TEP1: variants seen among roughly 807,000 people sequenced by gnomAD.
TEP1 encodes the protein telomerase associated protein 1.
TEP1 carries 241 observed loss-of-function variants against 306.3 expected under a neutral mutation model. The ratio of observed to expected loss-of-function variants is 0.79; its 90% CI spans 0.71 to 0.88. The LOEUF (loss-of-function observed/expected upper bound fraction) is 0.88. Ranked by LOEUF, TEP1 falls within the 40% of genes least tolerant of loss-of-function variation. The pLI is 0.00. For synonymous variants in TEP1, 1,289 were observed against 1,305.5 expected (o/e 0.99, Z 0.27); for missense variants, 3,051 against 3,276.1 (o/e 0.93, Z 1.68).
chr14:20,410,020 C>CAAAAAAAAAAAAAAAAAAAAAAAAAAAAA (rs570672845), intron 1 of TEP1, among the ~76,000 whole-genome samples: 1 of 58,922 alleles, frequency 1.7e-5, no homozygotes, highest in African/African-American at 6.7e-5. Context: ...GACTCTGTCT[C>CAAAAAAAAAAAAAAAAAAAAAAAAAAAAA]AAAAAAAAAA....
chr14:20,388,033 A>G lies in TEP1; in HGVS notation c.2556T>C (p.Leu852=), dbSNP rs1877356482. The stretch of plus-strand genomic sequence containing the variant: ...TGTCCATTTGGCCCACATGTTCCAG[A>G]AGATGGGAGGCCCCATGCTCTGCAA... The part of the protein sequence containing the change: ...KFIAEHGASH[L]LEHVGQMDKI... Residue 852 remains leucine (L), a synonymous_variant, in exon 18 of 55, where the codon CTT becomes CTC. Transcript: ENST00000262715. 1 of 1,614,174 alleles carries G rather than the reference A, an allele frequency of 6.2e-7. No homozygotes were observed. The highest frequency in any genetic ancestry group is 8.5e-7 in the Non-Finnish European group (1 of 1,180,018).
At position 20,383,355 on chromosome 14, in the gene TEP1, T is replaced by G; in HGVS notation, c.3868-2A>C. ...CACACTCAGCACCAGGTGTACACACTGTGATATTTGGGCAAAGGGGCAGGA... is the reference window on the plus strand; with the variant it reads ...CACACTCAGCACCAGGTGTACACACGGTGATATTTGGGCAAAGGGGCAGGA... On this transcript the variant is annotated splice_acceptor_variant, in intron 26 of 54. Coordinates refer to ENST00000262715, the MANE Select transcript of TEP1 (RefSeq NM_007110.5). LOFTEE classifies it high-confidence loss of function. 6.2e-7 allele frequency: 1 copy of G among 1,603,210 alleles called. No homozygotes were observed. Among genetic ancestry groups the G allele is most frequent in the Non-Finnish European group, 8.5e-7 (1 of 1,173,858 alleles).
At chr14:20,395,715 T>G in intron 11 of TEP1, 88 bp from the exon 12 acceptor site, 1 of 1,534,794 alleles carries the variant, frequency 6.5e-7, no homozygotes, top group Non-Finnish European at 8.9e-7. Context: ...CCCCAACCCT[T>G]GGGGCTGGCA....
At chr14:20,377,947 A>C in intron 39 of TEP1, 77 bp downstream of exon 39, 1 of 1,549,194 alleles carries the variant, frequency 6.5e-7, no homozygotes, top group South Asian at 1.1e-5. Context: ...TCGACAAAGG[A>C]CCCCCACCCC....
At chr14:20,391,549 C>G (rs764974451) in intron 13 of TEP1, 50 bp downstream of exon 13, 1 of 1,571,784 alleles carries the variant, frequency 6.4e-7, no homozygotes, top group African/African-American at 1.3e-5. Context: ...CTCAGGATCC[C>G]CAGCATTCTA....
chr14:20,395,989 C>T (rs561351351), intron 10 of TEP1, 40 bp from the exon 11 acceptor site: 147 of 1,556,792 alleles, frequency 9.4e-5, no homozygotes, highest in Non-Finnish European at 1.2e-4. Flanking sequence ...GCACAGGAGC[C>T]GGGAGTATGG....
In TEP1 at chr14:20,384,716, G is replaced by T; in HGVS notation, c.3108-3C>A. ...ATTTCCAGGCATCTGGCACAGAGCT[G>T]ACCACCAAAGACCCCAAAAGTTGGA... On this transcript the variant is annotated splice_polypyrimidine_tract_variant and splice_region_variant and intron_variant, in intron 21 of 54. Transcript: ENST00000262715. The T allele has an allele frequency of 1.2e-6, 2 of 1,608,080 alleles. No homozygotes were observed. Among genetic ancestry groups the T allele is most frequent in the South Asian group, 2.2e-5 (2 of 91,010 alleles).
intron 33 of TEP1, among the ~76,000 whole-genome samples, 190 bp from the exon 34 acceptor site, chr14:20,380,665 G>A (rs1258497552): frequency 6.6e-6 from 1 of 152,212 alleles, no homozygotes; most frequent in African/African-American, 2.4e-5. Flanking sequence ...AGAATATGGA[G>A]ACCCAAGGAT....
At position 20,380,048 on chromosome 14, in the gene TEP1, C is replaced by A; in HGVS notation, c.5009G>T (p.Ser1670Ile). Residue 1670 changes from serine (S) to isoleucine (I), a missense_variant, in exon 35 of 55, where the codon AGC becomes ATC. This residue lies in a region of TEP1 where 1,540 missense variants were observed against 1,705.9 expected (regional missense o/e 0.90). Transcript: ENST00000262715. ...PRTMKNQQSS[S>I]LSLAVSSSPT... ...GGATGAGGAAACTGCCAGAGACAGG[C>A]TGGAGCTAGAGAAAGAGTAGGAAGA... The A allele has an allele frequency of 6.2e-7, 1 of 1,610,540 alleles. No homozygotes were observed. The highest frequency in any genetic ancestry group is 8.5e-7 in the Non-Finnish European group (1 of 1,179,106).
intron 15 of TEP1, 36 bp downstream of exon 15, chr14:20,390,645 G>C (rs770570913): frequency 6.3e-7 from 1 of 1,593,384 alleles, no homozygotes; most frequent in East Asian, 2.2e-5. Flanking sequence ...GGAAAATGTG[G>C]GGGAGGGAGA....
chr14:20,368,457 A>T lies in TEP1; in HGVS notation c.7864T>A (p.Tyr2622Asn). Reference sequence around the variant, plus strand: ...CATCTTCATTCCCAATTCAGAAAGTACACATTGCCCTGCACGTCTCCCACG... The same window carrying T: ...CATCTTCATTCCCAATTCAGAAAGTTCACATTGCCCTGCACGTCTCCCACG... ...LAVGDVQGNV[Y>N]FLNWE The change falls in exon 55 of 55, where the codon TAC (tyrosine) becomes AAC (asparagine). Residue 2622 changes from tyrosine (Y) to asparagine (N), a missense_variant. By Grantham distance (143) the Tyr-to-Asn change is moderately radical. Coordinates refer to ENST00000262715, the MANE Select transcript of TEP1 (RefSeq NM_007110.5). 1 of 1,614,168 alleles carries T rather than the reference A, an allele frequency of 6.2e-7. No individual in the cohort carries two copies. The highest frequency in any genetic ancestry group is 8.5e-7 in the Non-Finnish European group (1 of 1,180,020).
chr14:20,376,080 G>A (rs77475121), intron 42 of TEP1, 24 bp downstream of exon 42: 2 of 1,610,918 alleles, frequency 1.2e-6, no homozygotes, highest in South Asian at 2.2e-5. Flanking sequence ...TGGGACCCCA[G>A]GGTTGCATCC....
At chr14:20,373,628 G>A (rs774117599) in intron 45 of TEP1, 45 bp from the exon 46 acceptor site, 6 of 1,614,084 alleles carry the variant, frequency 3.7e-6, no homozygotes, top group Non-Finnish European at 5.1e-6. Context: ...ACGGAGCAGG[G>A]GAGAAAAGAA....
chr14:20,369,917 A>AGTTTTT (rs59667471), intron 51 of TEP1, 138 bp from the exon 52 acceptor site: 2 of 590,950 alleles, frequency 3.4e-6, no homozygotes, highest in African/African-American at 2.2e-5. Context: ...CAAGTGCGCA[A>AGTTTTT]ATTTTTTTTT....
chr14:20,371,275 G>A lies in TEP1; in HGVS notation c.7260C>T (p.His2420=). 1 of 1,614,202 alleles carries A rather than the reference G, an allele frequency of 6.2e-7. No homozygotes were observed. Residue 2420 remains histidine, a synonymous_variant, in exon 51 of 55, where the codon CAC becomes CAT. Transcript: ENST00000262715. ...GCAGGACAAATATGCCATACTCCTT[G>A]TGGGTGGACAATATCATAGGATTTT... ...YTENPMILST[H]KEYGIFVLQP...
intron 10 of TEP1, among the ~76,000 whole-genome samples, chr14:20,396,333 A>G (rs1416692383): frequency 2.6e-5 from 4 of 152,232 alleles, no homozygotes; most frequent in Non-Finnish European, 4.4e-5. Context: ...TCCTTCTGAA[A>G]TCAGTTACAT....
chr14:20,384,458 C>A lies in TEP1; in HGVS notation c.3272G>T (p.Gly1091Val), dbSNP rs756973073. 1.2e-5 allele frequency: 19 copies of A among 1,614,032 alleles called. No individual in the cohort carries two copies. The highest frequency in any genetic ancestry group is 1.6e-5 in the Non-Finnish European group (19 of 1,180,050). ...AACCAACTGCCCAAACTCCTCCAGC[C>A]CGCCAACATAGGGCCGGCCAGCTGC... ...GVAAGRPYVG[G>V]LEEFGQLVLQ... is the part of the protein sequence containing the mutation. Residue 1091 changes from glycine (G) to valine (V), a missense_variant, in exon 23 of 55, where the codon GGG (glycine) becomes GTG (valine). This residue lies in a region of TEP1 where 1,507 missense variants were observed against 1,550.5 expected (regional missense o/e 0.97). Transcript: ENST00000262715.
At chr14:20,406,192 C>A in intron 3 of TEP1, 41 bp downstream of exon 3, 1 of 1,608,310 alleles carries the variant, frequency 6.2e-7, no homozygotes, top group East Asian at 2.2e-5. Context: ...AACCTCCCCT[C>A]CACACCATTA....
rs1181920283 is a variant in TEP1 at position 20,376,284 on chromosome 14, A to C, written c.6089-20T>G. ...AATCCTCTGCATTGGAAAAAGAGAGAGGGAACAGCTTCCTGAAAGAGGAAG... is the reference window on the plus strand; with the variant it reads ...AATCCTCTGCATTGGAAAAAGAGAGCGGGAACAGCTTCCTGAAAGAGGAAG... On this transcript the variant is annotated intron_variant, in intron 41 of 54. Coordinates refer to ENST00000262715, the MANE Select transcript of TEP1 (RefSeq NM_007110.5). The C allele has an allele frequency of 6.2e-7, 1 of 1,604,438 alleles. No individual in the cohort carries two copies. The highest frequency in any genetic ancestry group is 1.1e-5 in the South Asian group (1 of 90,026).
Sources: gnomAD v4.1 joint callset for allele counts (sites outside exome capture counted in the v4.1 genomes callset) on GRCh38, gnomAD v4.1.1 for gene constraint, gnomAD v4.1.1 regional missense constraint, MANE v1.5 for transcripts, NCBI Gene and HGNC (gene_info 2026-07-23, HGNC 2026-07-21) for gene names.